Variants in LRRC66 observed in about 807,000 individuals in gnomAD.
LRRC66 encodes leucine-rich repeat-containing protein 66.
A neutral mutation model predicts 24.6 loss-of-function variants in LRRC66; 29 were observed. The observed-to-expected ratio is 1.18, with a 90% CI of 0.88 to 1.61. LRRC66 has a LOEUF of 1.61. Ranked by LOEUF, LRRC66 falls within the 40% of genes most tolerant of loss-of-function variation. LRRC66 has a pLI of 0.00. For missense variants in LRRC66, 1,124 were observed against 1,058.0 expected (o/e 1.06, Z -0.87); for synonymous variants, 411 against 397.6 (o/e 1.03, Z -0.40).
At chr4:52,011,023 C>A (rs939668513) in intron 2 of LRRC66, among the ~76,000 whole-genome samples, 1 of 152,202 alleles carries the variant, frequency 6.6e-6, no homozygotes, top group South Asian at 2.1e-4. Flanking sequence ...GAAAGGAGAT[C>A]AGCGGTTTCC....
chr4:52,003,398 A>G lies in LRRC66; in HGVS notation c.497-6T>C, dbSNP rs758305052. On this transcript the variant is annotated splice_region_variant and splice_polypyrimidine_tract_variant and intron_variant, in intron 2 of 4. Coordinates refer to ENST00000682860, the MANE Select transcript of LRRC66 (RefSeq NM_001024611.3). ...TGACTTCAGTTTCCACAGTCCTGTT[A>G]AAATGAAAAAGTAAGTTGAAATCTA... 1.2e-6 allele frequency: 2 copies of G among 1,605,510 alleles called. No homozygotes were observed. Among genetic ancestry groups the G allele is most frequent in the Non-Finnish European group, 1.7e-6 (2 of 1,176,740 alleles).
At chr4:52,018,120 G>C (rs1440027398) in intron 1 of LRRC66, 1 of 985,334 alleles carries the variant, frequency 1.0e-6, no homozygotes, top group Non-Finnish European at 1.2e-6. Context: ...CACAAAAGAG[G>C]CTCTTACTTT....
intron 3 of LRRC66, among the ~76,000 whole-genome samples, chr4:52,002,651 G>T (rs1355953282): frequency 1.3e-5 from 2 of 152,232 alleles, no homozygotes; most frequent in Admixed American, 1.3e-4. Context: ...CCCCAATATG[G>T]GTTGGACGTT....
intron 2 of LRRC66, among the ~76,000 whole-genome samples, chr4:52,013,529 AG>A (rs1736744370): frequency 6.6e-6 from 1 of 152,214 alleles, no homozygotes; most frequent in South Asian, 2.1e-4. Context: ...TTTTTAAACT[AG>A]TTTTTCAATT....
chr4:52,016,680 A>G (rs141871673), intron 2 of LRRC66, among the ~76,000 whole-genome samples: 37 of 152,292 alleles, frequency 2.4e-4, no homozygotes, highest in African/African-American at 8.2e-4. Flanking sequence ...TTGGAGGACA[A>G]CTAGATAGAC....
rs751821577 is a variant in LRRC66 at position 52,003,280 on chromosome 4, C to A, written c.609G>T (p.Lys203Asn). ...NCLQLENLCLKSNKIFKIPPQ... is the reference protein window; with the variant it reads ...NCLQLENLCLNSNKIFKIPPQ... ...GGGGAATTTTGAATATCTTGTTGCT[C>A]TTTAAACAGAGATTCTCCAGTTGCA... Residue 203 changes from lysine to asparagine, a missense_variant, in exon 3 of 5, where the codon AAG (lysine) becomes AAT (asparagine). Lys to Asn is a moderately conservative substitution (Grantham distance 94, BLOSUM62 0). Coordinates refer to ENST00000682860, the MANE Select transcript of LRRC66 (RefSeq NM_001024611.3). The A allele has an allele frequency of 6.2e-7, 1 of 1,613,904 alleles. No homozygotes were observed. Among genetic ancestry groups the A allele is most frequent in the South Asian group, 1.1e-5 (1 of 91,048 alleles).
chr4:52,005,619 G>A (rs61796782), intron 2 of LRRC66, among the ~76,000 whole-genome samples: 64,621 of 147,940 alleles, frequency 0.44, 16,643 homozygotes, highest in Non-Finnish European at 0.58. Flanking sequence ...AAAAAAACAG[G>A]AAAACAAAGG....
Position 52,020,288 on chromosome 4 carries a change from T to C in LRRC66, c.-6+16A>G, listed in dbSNP as rs201516116. On this transcript the variant is annotated intron_variant, in intron 1 of 4. Transcript: ENST00000682860. ...AAGGACAAGACCTGGAAAGTAATAA[T>C]GCCTCTAAGACATACCTTCGTATCC... Among the ~76,000 whole-genome samples, 10 of 152,344 alleles carry C rather than the reference T, an allele frequency of 6.6e-5. No homozygotes were observed. In the East Asian group the frequency reaches 1.9e-3, roughly 29 times the overall value.
intron 1 of LRRC66, chr4:52,018,463 A>T: frequency 2.0e-6 from 2 of 985,438 alleles, no homozygotes; most frequent in Non-Finnish European, 2.4e-6. Flanking sequence ...ATTATTGAGT[A>T]TATGAGTTTC....
rs1421139093 is a variant in LRRC66, at chr4:51,994,022, T to C, written c.*357A>G. 1 of 189,426 alleles carries C rather than the reference T, an allele frequency of 5.3e-6. No homozygotes were observed. Among genetic ancestry groups the C allele is most frequent in the Non-Finnish European group, 1.1e-5 (1 of 92,534 alleles). 11.7% of individuals were successfully genotyped at this position (189,426 alleles called of 1,614,324 possible). ...CTGCAACAGATTCTCTTCTGAATATTTACCCCAACCTATTGATGAAGTGCT... is the reference window on the plus strand; with the variant it reads ...CTGCAACAGATTCTCTTCTGAATATCTACCCCAACCTATTGATGAAGTGCT... On this transcript the variant is annotated 3_prime_UTR_variant, in exon 5 of 5. Transcript: ENST00000682860.
Position 51,997,891 on chromosome 4 carries a change from A to G in LRRC66, c.713T>C (p.Met238Thr), listed in dbSNP as rs371570328. The G allele has an allele frequency of 1.9e-6, 3 of 1,614,046 alleles. No individual in the cohort carries two copies. The African/African-American group carries it at 4.0e-5, about 22-fold the overall frequency. ...ATGGGGAAATTCTAGAGCTATGATC[A>G]TCATTGGTAGGATGGTAATCAGAGC... Reference protein sequence around the residue: ...NNALITILPMMIIALEFPHLV... With the variant: ...NNALITILPMTIIALEFPHLV... Residue 238 changes from methionine (M) to threonine (T), a missense_variant, in exon 4 of 5, where the codon ATG becomes ACG. Transcript: ENST00000682860.
At chr4:52,001,082 A>G (rs1355078136) in intron 3 of LRRC66, among the ~76,000 whole-genome samples, 5 of 152,232 alleles carry the variant, frequency 3.3e-5, no homozygotes, top group Admixed American at 1.3e-4. Context: ...AAGAAAACAG[A>G]TATGATGTAT....
In LRRC66 at chr4:52,018,157, G is replaced by A. The variant is rs183538411; in HGVS notation, c.-5-539C>T. 6.1e-6 allele frequency: 6 copies of A among 985,300 alleles called. No individual in the cohort carries two copies. In the Admixed American group the frequency reaches 3.1e-4, roughly 50 times the overall value. The allele number at this position is 985,300 out of a possible 1,614,324, so 61.0% of individuals were successfully genotyped here. A position where few individuals can be genotyped will look rare whatever the true frequency, so the allele number is the denominator to read the frequency against. ...CATGACTAGAAGAAATACAAGTTTT[G>A]CTGTGTGGCTTGTGTGACTTTTCAA... On this transcript the variant is annotated intron_variant, in intron 1 of 4. Coordinates refer to ENST00000682860, the MANE Select transcript of LRRC66 (RefSeq NM_001024611.3).
intron 3 of LRRC66, among the ~76,000 whole-genome samples, chr4:52,002,382 C>A (rs1402224780): frequency 2.0e-5 from 3 of 152,002 alleles, no homozygotes; most frequent in African/African-American, 4.8e-5. Flanking sequence ...GGACTAAGGA[C>A]TCTTACAAAC....
At chr4:52,014,217 T>C (rs1270823367) in intron 2 of LRRC66, among the ~76,000 whole-genome samples, 1 of 152,066 alleles carries the variant, frequency 6.6e-6, no homozygotes, top group Non-Finnish European at 1.5e-5. Context: ...GTGCCATTTT[T>C]CTCCAGCATG....
intron 4 of LRRC66, 41 bp downstream of exon 4, chr4:51,997,707 A>C (rs746489629): frequency 6.4e-7 from 1 of 1,556,252 alleles, no homozygotes; most frequent in Admixed American, 1.8e-5. Context: ...TGCATTTTTC[A>C]TTATAAATGG....
Position 51,995,055 on chromosome 4 carries a change from A to T in LRRC66, c.1967T>A (p.Val656Asp). The change falls in exon 5 of 5, where the codon GTT (valine) becomes GAT (aspartate). Residue 656 changes from valine (V) to aspartate (D), a missense_variant. Transcript: ENST00000682860. ...TGTGTCTCTTGGGTCACCGTATGGA[A>T]CCTCGCTGTAGTGGGCTGAAAGCGC... is the stretch of plus-strand genomic sequence containing the variant. Reference protein sequence around the residue: ...EEALSAHYSEVPYGDPRDTGP... With the variant: ...EEALSAHYSEDPYGDPRDTGP... 3 of 1,614,098 alleles carry T rather than the reference A, an allele frequency of 1.9e-6. No homozygotes were observed. The highest frequency in any genetic ancestry group is 2.5e-6 in the Non-Finnish European group (3 of 1,180,032).
chr4:52,001,715 A>T (rs552724137), intron 3 of LRRC66, among the ~76,000 whole-genome samples: 1 of 152,246 alleles, frequency 6.6e-6, no homozygotes, highest in African/African-American at 2.4e-5. Flanking sequence ...AAGCCCAGGC[A>T]GCTGGCTCAA....
chr4:52,004,359 C>T (rs1181414129), intron 2 of LRRC66, among the ~76,000 whole-genome samples: 1 of 152,174 alleles, frequency 6.6e-6, no homozygotes, highest in Non-Finnish European at 1.5e-5. Flanking sequence ...TTATTGTTGA[C>T]ATTATGACTA....
Sources: gnomAD v4.1 joint callset for allele counts (sites outside exome capture counted in the v4.1 genomes callset) on GRCh38, gnomAD v4.1.1 for gene constraint, MANE v1.5 for transcripts, NCBI Gene and HGNC (gene_info 2026-07-23, HGNC 2026-07-21) for gene names.